Variants in VRK3 observed in about 807,000 individuals in gnomAD.
VRK3 encodes the protein VRK serine/threonine kinase 3, also known as serine/threonine-protein kinase VRK3.
A neutral mutation model predicts 60.4 loss-of-function variants in VRK3; 50 were observed. The observed-to-expected ratio is 0.83, with a 90% CI of 0.66 to 1.05. The LOEUF (loss-of-function observed/expected upper bound fraction) is 1.05. Among genes scored for constraint, VRK3 ranks in the 50% least tolerant of loss-of-function variants. The pLI is 0.00. For missense variants in VRK3, 549 were observed against 585.3 expected (o/e 0.94, Z 0.64); for synonymous variants, 246 against 227.8 (o/e 1.08, Z -0.72).
At chr19:50,013,911 G>A (rs1443815284) in intron 3 of VRK3, among the ~76,000 whole-genome samples, 4 of 152,320 alleles carry the variant, frequency 2.6e-5, no homozygotes, top group South Asian at 2.1e-4. Context: ...ATAGAGGGAA[G>A]ATGCAACTTT....
chr19:49,990,253 A>C (rs2076587602), intron 10 of VRK3, among the ~76,000 whole-genome samples: 1 of 152,196 alleles, frequency 6.6e-6, no homozygotes, highest in South Asian at 2.1e-4. Context: ...CTCTGCTATG[A>C]TTTCTCCATT....
At chr19:50,022,284 G>A (rs540854677) in intron 1 of VRK3, among the ~76,000 whole-genome samples, 29 of 152,064 alleles carry the variant, frequency 1.9e-4, no homozygotes, top group Admixed American at 1.3e-3. Context: ...GTGGAACCAC[G>A]GCAAGAGAGT....
rs2076334224 is a variant in VRK3 at position 49,976,529 on chromosome 19, T to C, written c.*267A>G. On this transcript the variant is annotated 3_prime_UTR_variant, in exon 15 of 15. Transcript: ENST00000316763. Reference sequence around the variant, plus strand: ...TCAAGGGTAGGAGGGGTCCCCCCTGTGGGCCGGCCCAACCCCATCCAGCTT... The same window carrying C: ...TCAAGGGTAGGAGGGGTCCCCCCTGCGGGCCGGCCCAACCCCATCCAGCTT... 6.6e-6 allele frequency: 1 copy of C among 152,650 alleles called. No homozygotes were observed. Among genetic ancestry groups the C allele is most frequent in the Non-Finnish European group, 1.5e-5 (1 of 68,046 alleles). 9.5% of individuals were successfully genotyped at this position (152,650 alleles called of 1,614,324 possible). A position where few individuals can be genotyped will look rare whatever the true frequency, so the allele number is the denominator to read the frequency against.
In VRK3 at chr19:50,000,828, C is replaced by T. The variant is rs1162290977; in HGVS notation, c.574G>A (p.Asp192Asn). The T allele has an allele frequency of 3.7e-6, 6 of 1,613,972 alleles. No individual in the cohort carries two copies. The East Asian group carries it at 1.1e-4, about 30-fold the overall frequency. The change falls in exon 6 of 15, where the codon GAC becomes AAC. Residue 192 changes from aspartate to asparagine, a missense_variant. Asp to Asn is a conservative substitution (Grantham distance 23, BLOSUM62 1). Transcript: ENST00000316763. The stretch of plus-strand genomic sequence containing the variant: ...AACTTTTGCTTCTGTGGTCCTGAGT[C>T]ACAGGTGAGGGTGGAGGTGGGTGCA... ...EAAPTSTLTC[D>N]SGPQKQKFSL...
At chr19:50,024,281 C>T (rs1286297175) in intron 1 of VRK3, among the ~76,000 whole-genome samples, 2 of 152,078 alleles carry the variant, frequency 1.3e-5, no homozygotes, top group East Asian at 1.9e-4. Flanking sequence ...ACAACACCGG[C>T]GAGATCCAGG....
chr19:50,016,838 C>T (rs2077086449), intron 2 of VRK3, among the ~76,000 whole-genome samples: 1 of 146,040 alleles, frequency 6.8e-6, no homozygotes, highest in African/African-American at 2.8e-5. Flanking sequence ...GGATGAAGTA[C>T]AACAGGCAGT....
At chr19:49,991,518 T>TACACCTACACACACACAC (rs2076611242) in intron 10 of VRK3, among the ~76,000 whole-genome samples, 1 of 150,718 alleles carries the variant, frequency 6.6e-6, no homozygotes, top group African/African-American at 2.5e-5. Context: ...AATAAATCTC[T>TACACCTACACACACACAC]ACACACACAC....
At chr19:50,009,869 G>A (rs1458795834) in intron 3 of VRK3, among the ~76,000 whole-genome samples, 1 of 152,124 alleles carries the variant, frequency 6.6e-6, no homozygotes. Flanking sequence ...TTGAACTCCT[G>A]ACCTCAAGTG....
chr19:50,014,472 T>C (rs1247532872), intron 3 of VRK3, among the ~76,000 whole-genome samples: 1 of 151,300 alleles, frequency 6.6e-6, no homozygotes, highest in Non-Finnish European at 1.5e-5. Flanking sequence ...GGCAGGAGAA[T>C]TGCTTGAACC....
intron 5 of VRK3, among the ~76,000 whole-genome samples, chr19:50,003,817 G>C (rs1001181748): frequency 6.6e-6 from 1 of 152,226 alleles, no homozygotes. Context: ...TGCAAGCTCC[G>C]CATCAGCAGG....
In VRK3 at chr19:49,980,981, G is replaced by A; in HGVS notation, c.1250C>T (p.Pro417Leu). 2 of 1,612,202 alleles carry A rather than the reference G, an allele frequency of 1.2e-6. No homozygotes were observed. Among genetic ancestry groups the A allele is most frequent in the Non-Finnish European group, 1.7e-6 (2 of 1,179,276 alleles). ...TGAGGGCCTGATCCAGTGACCGCAG[G>A]GTCCCACGAAGGGCCCCGGCTTATC... ...FVDKPGPFVG[P>L]CGHWIRPSET... The change falls in exon 13 of 15, where the codon CCC (proline) becomes CTC (leucine). Residue 417 changes from proline (P) to leucine (L), a missense_variant. Coordinates refer to ENST00000316763, the MANE Select transcript of VRK3 (RefSeq NM_016440.4).
chr19:50,013,947 T>C (rs1342511392), intron 3 of VRK3, among the ~76,000 whole-genome samples: 1 of 152,140 alleles, frequency 6.6e-6, no homozygotes, highest in African/African-American at 2.4e-5. Context: ...GGAAAGTGTC[T>C]CTGAGAAAGT....
intron 9 of VRK3, among the ~76,000 whole-genome samples, chr19:49,993,428 T>C (rs1433178175): frequency 1.3e-5 from 2 of 152,170 alleles, no homozygotes; most frequent in Non-Finnish European, 2.9e-5. Context: ...GACAGGGTCT[T>C]ACTCCTGTTG....
chr19:49,984,815 G>C (rs1360178742), intron 12 of VRK3, among the ~76,000 whole-genome samples: 2 of 152,006 alleles, frequency 1.3e-5, no homozygotes, highest in African/African-American at 4.8e-5. Context: ...TGTAGAGATG[G>C]GGTCTCACCA....
chr19:49,978,315 G>T (rs2076366107), intron 14 of VRK3, among the ~76,000 whole-genome samples: 1 of 152,194 alleles, frequency 6.6e-6, no homozygotes, highest in African/African-American at 2.4e-5. Flanking sequence ...CTACTCCGGG[G>T]AGAGAAAAGG....
rs1028317861 is a variant in VRK3 at position 50,015,882 on chromosome 19, G to C, written c.139+142C>G. The C allele has an allele frequency of 3.7e-6, 4 of 1,076,576 alleles. No individual in the cohort carries two copies. The African/African-American group carries it at 6.4e-5, about 17-fold the overall frequency. The allele number at this position is 1,076,576 out of a possible 1,614,324, so 66.7% of individuals were successfully genotyped here. ...GAGGCCAAGAGACTGATGGTAGACA[G>C]AGGGGTCCAGTCCTGAGGCCTGGGC... On this transcript the variant is annotated intron_variant, in intron 3 of 14. Transcript: ENST00000316763.
rs1555846960 is a variant in VRK3, at chr19:49,997,556, C to T, written c.627G>A (p.Gly209=). Residue 209 remains glycine (G), a synonymous_variant, in exon 7 of 15, where the codon GGG becomes GGA. Coordinates refer to ENST00000316763, the MANE Select transcript of VRK3 (RefSeq NM_016440.4). The part of the protein sequence containing the change: ...KFSLKLDAKD[G]RLFNEQNFFQ... ...AGAAGTTCTGCTCATTGAACAAGCG[C>T]CCATCCTTGGCATCCTGGTGGGGGA... 6 of 1,613,876 alleles carry T rather than the reference C, an allele frequency of 3.7e-6. 1 individual carries two copies. The South Asian group carries it at 5.5e-5, about 15-fold the overall frequency.
At chr19:50,024,551 T>A (rs1232750824) in intron 1 of VRK3, among the ~76,000 whole-genome samples, 1 of 152,218 alleles carries the variant, frequency 6.6e-6, no homozygotes, top group African/African-American at 2.4e-5. Flanking sequence ...CCAACCACCC[T>A]GAGAATGTGA....
Position 50,009,425 on chromosome 19 carries a change from G to A in VRK3, c.140-40C>T, listed in dbSNP as rs370606161. The stretch of plus-strand genomic sequence containing the variant: ...ACAAAATGCAGACTGGAGTTACAAA[G>A]GCCCCTCTGCAGGCACCATTGGACT... On this transcript the variant is annotated intron_variant, in intron 3 of 14. Transcript: ENST00000316763. 58 of 1,608,404 alleles carry A rather than the reference G, an allele frequency of 3.6e-5. 1 individual carries two copies. In the Admixed American group the frequency reaches 5.8e-4, roughly 16 times the overall value.
Sources: allele counts gnomAD v4.1 joint callset (sites outside exome capture counted in the v4.1 genomes callset), GRCh38; gene constraint gnomAD v4.1.1; transcripts MANE v1.5; gene names NCBI Gene and HGNC (gene_info 2026-07-23, HGNC 2026-07-21).